The following SLC24A2 variants were observed in gnomAD, a reference collection of about 807,000 sequenced individuals.
SLC24A2 encodes sodium/potassium/calcium exchanger 2.
SLC24A2 carries 36 observed loss-of-function variants against 62.0 expected under a neutral mutation model. The ratio of observed to expected loss-of-function variants is 0.58; its 90% CI spans 0.44 to 0.77. SLC24A2 has a LOEUF of 0.77. Among genes scored for constraint, SLC24A2 ranks in the 30% least tolerant of loss-of-function variants. SLC24A2 has a pLI of 0.00. For missense variants in SLC24A2, 846 were observed against 817.9 expected (o/e 1.03, Z -0.42); for synonymous variants, 358 against 294.0 (o/e 1.22, Z -2.23).
At chr9:20,059,446 AAT>A in the SLC24A2 span, among the ~76,000 whole-genome samples, 1 of 152,218 alleles carries the variant, frequency 6.6e-6, no homozygotes, top group African/African-American at 2.4e-5. Context: ...AATCTTACAA[AAT>A]ATCTTTTCCA....
chr9:19,947,290 C>T, the SLC24A2 span, among the ~76,000 whole-genome samples: 1 of 151,366 alleles, frequency 6.6e-6, no homozygotes, highest in Admixed American at 6.6e-5. Flanking sequence ...TTTTGAAAGC[C>T]AAAATTATTA....
At chr9:20,240,498 T>A in the SLC24A2 span, among the ~76,000 whole-genome samples, 1 of 152,194 alleles carries the variant, frequency 6.6e-6, no homozygotes, top group East Asian at 1.9e-4. Context: ...GTTTCCCTTG[T>A]TAAAAGTCAA....
chr9:19,992,532 A>C, the SLC24A2 span, among the ~76,000 whole-genome samples: 9 of 152,208 alleles, frequency 5.9e-5, no homozygotes, highest in Admixed American at 5.9e-4. Context: ...GGAACCACTG[A>C]AATAAACTGT....
the SLC24A2 span, among the ~76,000 whole-genome samples, chr9:20,195,586 T>C: frequency 6.6e-6 from 1 of 152,174 alleles, no homozygotes; most frequent in Admixed American, 6.6e-5. Flanking sequence ...TACTAATCCT[T>C]TATCAATTAT....
chr9:20,025,504 T>C, the SLC24A2 span, among the ~76,000 whole-genome samples: 1 of 152,168 alleles, frequency 6.6e-6, no homozygotes, highest in Non-Finnish European at 1.5e-5. Context: ...TGGGTGAACA[T>C]TATTACCTGC....
At chr9:20,082,239 C>G in the SLC24A2 span, among the ~76,000 whole-genome samples, 1 of 152,138 alleles carries the variant, frequency 6.6e-6, no homozygotes, top group Non-Finnish European at 1.5e-5. Flanking sequence ...TCTGAGCAGG[C>G]TACCGTATTT....
At chr9:19,694,656 A>G (rs545877981) in intron 2 of SLC24A2, among the ~76,000 whole-genome samples, 1 of 152,278 alleles carries the variant, frequency 6.6e-6, no homozygotes, top group East Asian at 1.9e-4. Context: ...TCACTTTAGG[A>G]ATTTATCATA....
At chr9:20,059,489 A>G in the SLC24A2 span, among the ~76,000 whole-genome samples, 1 of 152,204 alleles carries the variant, frequency 6.6e-6, no homozygotes, top group Non-Finnish European at 1.5e-5. Flanking sequence ...TTAGAAATCA[A>G]TAACATAAGG....
intron 8 of SLC24A2, among the ~76,000 whole-genome samples, chr9:19,545,319 C>T (rs1834496581): frequency 6.6e-6 from 1 of 152,050 alleles, no homozygotes; most frequent in African/African-American, 2.4e-5. Context: ...TTCCAGTTAG[C>T]AATTCGCGTA....
intron 8 of SLC24A2, among the ~76,000 whole-genome samples, chr9:19,545,702 A>C (rs1563951295): frequency 6.6e-6 from 1 of 151,348 alleles, no homozygotes; most frequent in Non-Finnish European, 1.5e-5. Context: ...GCAGTGGTGC[A>C]ATCATGGCTC....
At chr9:19,739,089 C>T (rs1384840029) in intron 2 of SLC24A2, among the ~76,000 whole-genome samples, 1 of 152,186 alleles carries the variant, frequency 6.6e-6, no homozygotes, top group Non-Finnish European at 1.5e-5. Flanking sequence ...TGCACTCCAT[C>T]CGGGGTGACA....
At chr9:20,179,321 G>A in the SLC24A2 span, among the ~76,000 whole-genome samples, 2 of 152,116 alleles carry the variant, frequency 1.3e-5, no homozygotes, top group African/African-American at 4.8e-5. Context: ...CCTATAGCTT[G>A]ACCAAAGCAC....
intron 2 of SLC24A2, among the ~76,000 whole-genome samples, chr9:19,755,943 T>C (rs1227394694): frequency 1.3e-5 from 2 of 152,198 alleles, no homozygotes; most frequent in East Asian, 1.9e-4. Flanking sequence ...TGTATTAATA[T>C]ATAGCAGTCA....
At chr9:20,291,605 T>C in the SLC24A2 span, among the ~76,000 whole-genome samples, 8 of 152,194 alleles carry the variant, frequency 5.3e-5, no homozygotes, top group Non-Finnish European at 1.5e-5. Flanking sequence ...TTCACCCTTA[T>C]GATGACCCCC....
the SLC24A2 span, among the ~76,000 whole-genome samples, chr9:19,984,407 G>T: frequency 3.3e-5 from 5 of 152,112 alleles, no homozygotes; most frequent in Non-Finnish European, 7.4e-5. Context: ...GAATTGGAAA[G>T]TCCAAAAATA....
chr9:20,091,514 C>G, the SLC24A2 span, among the ~76,000 whole-genome samples: 4 of 152,080 alleles, frequency 2.6e-5, no homozygotes, highest in African/African-American at 9.6e-5. Context: ...CAGCAGAAAC[C>G]CTACAAGCCA....
At chr9:19,736,268 T>C (rs1436234374) in intron 2 of SLC24A2, among the ~76,000 whole-genome samples, 2 of 152,070 alleles carry the variant, frequency 1.3e-5, no homozygotes, top group Non-Finnish European at 2.9e-5. Context: ...AGAAAAATAA[T>C]ATAGTCTCAG....
the SLC24A2 span, among the ~76,000 whole-genome samples, chr9:19,809,111 T>G: frequency 6.6e-6 from 1 of 152,228 alleles, no homozygotes; most frequent in Non-Finnish European, 1.5e-5. Context: ...GTTTTTCTGT[T>G]GTTAACTTTT....
chr9:19,565,609 G>GA (rs1010691543), intron 7 of SLC24A2, among the ~76,000 whole-genome samples: 1 of 152,102 alleles, frequency 6.6e-6, no homozygotes, highest in East Asian at 1.9e-4. Flanking sequence ...CACAGAATTG[G>GA]AAAAAACTAA....
Sources: allele counts gnomAD v4.1 joint callset (sites outside exome capture counted in the v4.1 genomes callset), GRCh38; gene constraint gnomAD v4.1.1; transcripts MANE v1.5; gene names NCBI Gene and HGNC (gene_info 2026-07-23, HGNC 2026-07-21).